TMEM132D: variants seen among roughly 807,000 people sequenced by gnomAD.
TMEM132D encodes mature OL transmembrane protein.
In TMEM132D, 21 loss-of-function variants were observed where a neutral mutation model predicts 62.3. The ratio of observed to expected loss-of-function variants is 0.34; its 90% CI spans 0.24 to 0.49. TMEM132D has a LOEUF of 0.49. Among genes scored for constraint, TMEM132D ranks in the 20% least tolerant of loss-of-function variants. The probability of loss-of-function intolerance (pLI) is 0.99; values close to 1 mark genes in which losing one functional copy is unlikely to be tolerated. For synonymous variants in TMEM132D, 621 were observed against 575.6 expected, an observed-to-expected ratio of 1.08 and a Z score of -1.13; for missense variants, 1,346 against 1,402.8, an observed-to-expected ratio of 0.96 and a Z score of 0.65.
intron 4 of TMEM132D, among the ~76,000 whole-genome samples, chr12:129,332,579 C>T (rs1324711042): frequency 6.6e-6 from 1 of 152,120 alleles, no homozygotes; most frequent in East Asian, 1.9e-4. Context: ...TGTTGATCTA[C>T]TTACTTAGTT....
chr12:129,144,969 C>T (rs568151353), intron 5 of TMEM132D, among the ~76,000 whole-genome samples: 13 of 151,646 alleles, frequency 8.6e-5, no homozygotes, highest in Admixed American at 3.9e-4. Context: ...TCTTTTAAGT[C>T]ACTTTGGGGT....
chr12:129,203,080 A>C (rs953561722), intron 5 of TMEM132D, among the ~76,000 whole-genome samples: 10 of 152,184 alleles, frequency 6.6e-5, no homozygotes, highest in African/African-American at 2.4e-4. Flanking sequence ...ACCTAACTGC[A>C]CGTTCAACCA....
chr12:129,284,996 A>C (rs1403486426), intron 4 of TMEM132D, among the ~76,000 whole-genome samples: 2 of 152,248 alleles, frequency 1.3e-5, no homozygotes, highest in African/African-American at 4.8e-5. Context: ...ATGTTTGCAC[A>C]GCATTGTGAA....
chr12:129,084,081 T>G (rs1482010993), intron 6 of TMEM132D, among the ~76,000 whole-genome samples: 1 of 152,134 alleles, frequency 6.6e-6, no homozygotes, highest in Non-Finnish European at 1.5e-5. Flanking sequence ...TCCCTTCTCC[T>G]AGAATTTGTT....
chr12:129,365,860 A>AG (rs1368149117), intron 3 of TMEM132D, among the ~76,000 whole-genome samples: 1 of 152,042 alleles, frequency 6.6e-6, no homozygotes. Context: ...CACGTGCCGC[A>AG]GGGGGGCAGC....
At chr12:129,216,918 C>T (rs968894521) in intron 4 of TMEM132D, among the ~76,000 whole-genome samples, 43 of 152,292 alleles carry the variant, frequency 2.8e-4, no homozygotes, top group African/African-American at 6.5e-4. Flanking sequence ...GATTTCTTAT[C>T]GGTCTTAAGC....
chr12:129,662,113 A>G (rs1880249358), intron 2 of TMEM132D, among the ~76,000 whole-genome samples: 1 of 152,190 alleles, frequency 6.6e-6, no homozygotes, highest in Non-Finnish European at 1.5e-5. Flanking sequence ...ATCATACATG[A>G]TCTGAATCAA....
chr12:129,636,129 C>A (rs1465986948), intron 2 of TMEM132D, among the ~76,000 whole-genome samples: 1 of 152,170 alleles, frequency 6.6e-6, no homozygotes, highest in Admixed American at 6.5e-5. Context: ...TCCTTAGAGG[C>A]AATAGATGGC....
At chr12:129,575,299 G>A (rs1877630442) in intron 2 of TMEM132D, among the ~76,000 whole-genome samples, 2 of 151,784 alleles carry the variant, frequency 1.3e-5, no homozygotes, top group South Asian at 4.1e-4. Context: ...AAGTTTTGGA[G>A]GAGTCAAAAG....
chr12:129,601,379 G>A (rs1878477751), intron 2 of TMEM132D, among the ~76,000 whole-genome samples: 1 of 152,192 alleles, frequency 6.6e-6, no homozygotes, highest in Non-Finnish European at 1.5e-5. Flanking sequence ...CAGCAAGAAG[G>A]TTGTTTCACT....
At chr12:129,838,950 ACT>A (rs1491291694) in intron 1 of TMEM132D, among the ~76,000 whole-genome samples, 2 of 141,460 alleles carry the variant, frequency 1.4e-5, no homozygotes, top group East Asian at 2.3e-4. Flanking sequence ...TAAACTTAAA[ACT>A]CTTTTTTTTT....
chr12:129,223,616 G>A (rs1323568496), intron 4 of TMEM132D, among the ~76,000 whole-genome samples: 1 of 152,162 alleles, frequency 6.6e-6, no homozygotes, highest in Non-Finnish European at 1.5e-5. Context: ...ATGGTTTGCT[G>A]GTTTCTTGTG....
At chr12:129,648,542 G>A (rs1879845491) in intron 2 of TMEM132D, among the ~76,000 whole-genome samples, 1 of 152,154 alleles carries the variant, frequency 6.6e-6, no homozygotes, top group Admixed American at 6.5e-5. Flanking sequence ...TGAGCCCATT[G>A]GGCAGTTACA....
chr12:129,238,538 T>C (rs972497968), intron 4 of TMEM132D, among the ~76,000 whole-genome samples: 6 of 152,206 alleles, frequency 3.9e-5, no homozygotes, highest in South Asian at 2.1e-4. Flanking sequence ...TTCTATAAAT[T>C]TGCCTACTCT....
intron 3 of TMEM132D, among the ~76,000 whole-genome samples, chr12:129,512,610 G>C (rs184398124): frequency 2.0e-5 from 3 of 152,184 alleles, no homozygotes; most frequent in Admixed American, 2.0e-4. Flanking sequence ...GATTGTTTTA[G>C]CTCATGAGTT....
chr12:129,768,914 G>A (rs1453416524), intron 1 of TMEM132D, among the ~76,000 whole-genome samples: 1 of 152,244 alleles, frequency 6.6e-6, no homozygotes, highest in Non-Finnish European at 1.5e-5. Context: ...TGCACCTGAT[G>A]TTGGCAGTTC....
At chr12:129,558,183 G>A (rs1228892779) in intron 2 of TMEM132D, among the ~76,000 whole-genome samples, 2 of 152,154 alleles carry the variant, frequency 1.3e-5, no homozygotes, top group Non-Finnish European at 2.9e-5. Context: ...TAGGACGGAT[G>A]TTGCCCTCAC....
chr12:129,405,166 G>A (rs1871743544), intron 3 of TMEM132D, among the ~76,000 whole-genome samples: 1 of 152,164 alleles, frequency 6.6e-6, no homozygotes, highest in African/African-American at 2.4e-5. Flanking sequence ...TAACACCTCT[G>A]AAGGCTAGAA....
intron 4 of TMEM132D, among the ~76,000 whole-genome samples, chr12:129,297,239 T>C (rs558322792): frequency 1.7e-4 from 26 of 152,294 alleles, no homozygotes; most frequent in African/African-American, 3.1e-4. Flanking sequence ...AGACAGAATC[T>C]GAAATAGAGC....
Sources: allele counts gnomAD v4.1 joint callset (sites outside exome capture counted in the v4.1 genomes callset), GRCh38; gene constraint gnomAD v4.1.1; transcripts MANE v1.5; gene names NCBI Gene and HGNC (gene_info 2026-07-23, HGNC 2026-07-21).